The following PGAP4 variants were observed in gnomAD, a reference collection of about 807,000 sequenced individuals.
PGAP4 encodes the protein GPI-N-acetylgalactosamine transferase PGAP4.
A neutral mutation model predicts 28.2 loss-of-function variants in PGAP4; 12 were observed. The ratio of observed to expected loss-of-function variants is 0.42; its 90% CI spans 0.27 to 0.69. The LOEUF is 0.69. Among genes scored for constraint, PGAP4 ranks in the 30% least tolerant of loss-of-function variants. The pLI is 0.22. For missense variants in PGAP4, 425 were observed against 513.5 expected, an observed-to-expected ratio of 0.83 and a Z score of 1.67; for synonymous variants, 205 against 211.8, an observed-to-expected ratio of 0.97 and a Z score of 0.28.
At chr9:101,489,821 C>T (rs1463788926), upstream of PGAP4, among the ~76,000 whole-genome samples, 1 of 152,154 alleles carries the variant, frequency 6.6e-6, no homozygotes, top group African/African-American at 2.4e-5. Flanking sequence ...AACATCTTCT[C>T]TTGTACTTTG....
At chr9:101,503,048 A>T (rs1826816952) in intron 2 of PGAP4, among the ~76,000 whole-genome samples, 2 of 152,092 alleles carry the variant, frequency 1.3e-5, no homozygotes, top group African/African-American at 4.8e-5. Flanking sequence ...GATAGATTCT[A>T]GAGCAGTGTG....
At chr9:101,511,009 T>C (rs1489115318) in intron 2 of PGAP4, among the ~76,000 whole-genome samples, 3 of 152,192 alleles carry the variant, frequency 2.0e-5, no homozygotes, top group Non-Finnish European at 1.5e-5. Context: ...TCTGCTAATG[T>C]TAATCTGTAT....
intron 2 of PGAP4, among the ~76,000 whole-genome samples, chr9:101,517,867 TG>T: frequency 6.6e-6 from 1 of 152,302 alleles, no homozygotes; most frequent in South Asian, 2.1e-4. Flanking sequence ...CACTATTTTA[TG>T]TATTTATTTT....
chr9:101,514,504 G>A (rs2048686645), intron 2 of PGAP4, among the ~76,000 whole-genome samples: 1 of 143,172 alleles, frequency 7.0e-6, no homozygotes, highest in Non-Finnish European at 1.6e-5. Flanking sequence ...CATTTTGTAT[G>A]TTTGCATGTG....
chr9:101,512,340 C>T (rs540088351), intron 2 of PGAP4, among the ~76,000 whole-genome samples: 59 of 152,252 alleles, frequency 3.9e-4, no homozygotes, highest in African/African-American at 1.4e-3. Context: ...GGCCCAGTTA[C>T]CCTGAGCCAA....
chr9:101,525,201 A>G (rs990855407), intron 2 of PGAP4, among the ~76,000 whole-genome samples: 4 of 152,230 alleles, frequency 2.6e-5, no homozygotes, highest in Admixed American at 2.0e-4. Context: ...TGCTTTCTAA[A>G]GTAAGCCCTC....
chr9:101,531,241 G>C (rs75005652), intron 2 of PGAP4: 10,572 of 119,816 alleles, frequency 0.088, 404 homozygotes, highest in Middle Eastern at 0.13. Context: ...CACACACACA[G>C]AGTTGATTTT....
chr9:101,477,054 C>G lies in PGAP4; in HGVS notation c.39G>C (p.Arg13=). 1 of 1,606,600 alleles carries G rather than the reference C, an allele frequency of 6.2e-7. No individual in the cohort carries two copies. Among genetic ancestry groups the G allele is most frequent in the Non-Finnish European group, 8.5e-7 (1 of 1,177,046 alleles). The change falls in exon 2 of 2, where the codon CGG becomes CGC. Residue 13 remains arginine (R), a synonymous_variant. Transcript: ENST00000374848. ...TSTSPAAMLL[R]RLRRLSWGST... Reference sequence around the variant, plus strand: ...TGCCCCAGGAGAGTCGCCGCAGCCTCCGGAGGAGCATGGCAGCTGGAGAGG... The same window carrying G: ...TGCCCCAGGAGAGTCGCCGCAGCCTGCGGAGGAGCATGGCAGCTGGAGAGG...
chr9:101,493,386 G>A (rs181614121), intron 2 of PGAP4, among the ~76,000 whole-genome samples: 7 of 152,200 alleles, frequency 4.6e-5, no homozygotes, highest in Admixed American at 4.6e-4. Flanking sequence ...CAGGTGAGTA[G>A]TTTAGCAGTC....
At position 101,474,263 on chromosome 9, in the gene PGAP4, A is replaced by C. The variant is rs1157923871; in HGVS notation, c.*1618T>G. The C allele has an allele frequency of 6.6e-6, 1 of 152,146 alleles. No homozygotes were observed. Among genetic ancestry groups the C allele is most frequent in the Non-Finnish European group, 1.5e-5 (1 of 68,032 alleles). The allele number at this position is 152,146 out of a possible 1,614,324, so 9.4% of individuals were successfully genotyped here. A position where few individuals can be genotyped will look rare whatever the true frequency, so the allele number is the denominator to read the frequency against. On this transcript the variant is annotated 3_prime_UTR_variant, in exon 2 of 2. Coordinates refer to ENST00000374848, the MANE Select transcript of PGAP4 (RefSeq NM_032342.3). ...TGTAGAGCGTGGGTGATCAACCTTT[A>C]TGTAATCCTTCTGTGTTGAGTGGGT...
chr9:101,522,139 T>C (rs1414748990), intron 2 of PGAP4, among the ~76,000 whole-genome samples: 1 of 152,208 alleles, frequency 6.6e-6, no homozygotes, highest in Non-Finnish European at 1.5e-5. Flanking sequence ...TATCATATAG[T>C]CTGTCTTGGA....
At chr9:101,530,696 C>T (rs771444757) in intron 2 of PGAP4, among the ~76,000 whole-genome samples, 16 of 152,142 alleles carry the variant, frequency 1.1e-4, no homozygotes, top group Non-Finnish European at 1.2e-4. Flanking sequence ...TTTCCCAATT[C>T]GCTAGAGTGA....
chr9:101,530,625 A>G (rs749750954), intron 2 of PGAP4, among the ~76,000 whole-genome samples: 16 of 152,194 alleles, frequency 1.1e-4, no homozygotes, highest in Non-Finnish European at 2.2e-4. Context: ...CTGGTCAGAA[A>G]TGAATGGGGA....
chr9:101,489,005 G>C (rs531685845), upstream of PGAP4: 1 of 152,116 alleles, frequency 6.6e-6, no homozygotes, highest in African/African-American at 2.4e-5. Context: ...TAAATAGTAA[G>C]ATCAAACACT....
intron 2 of PGAP4, among the ~76,000 whole-genome samples, chr9:101,500,551 A>G (rs963776267): frequency 6.7e-6 from 1 of 150,020 alleles, no homozygotes; most frequent in African/African-American, 2.4e-5. Context: ...TTTACTATGT[A>G]TGGTAACATA....
intron 2 of PGAP4, among the ~76,000 whole-genome samples, chr9:101,510,800 C>G (rs60850343): frequency 1.3e-5 from 2 of 152,114 alleles, no homozygotes; most frequent in African/African-American, 4.8e-5. Context: ...GCGGGCCACA[C>G]GTGGACTAAA....
In PGAP4 at chr9:101,476,822, G is replaced by T; in HGVS notation, c.271C>A (p.Pro91Thr). 1 of 1,610,160 alleles carries T rather than the reference G, an allele frequency of 6.2e-7. No individual in the cohort carries two copies. Among genetic ancestry groups the T allele is most frequent in the Non-Finnish European group, 8.5e-7 (1 of 1,177,918 alleles). Residue 91 changes from proline to threonine, a missense_variant, in exon 2 of 2, where the codon CCC becomes ACC. Coordinates refer to ENST00000374848, the MANE Select transcript of PGAP4 (RefSeq NM_032342.3). This position sits in a 1 kb window ranked among gnomAD's most constrained non-coding sequence, Gnocchi z 7.0. ...EELPSANGSV[P>T]IVWQATPRPW... ...CGGGGGGTGGCCTGCCAGACAATGG[G>T]CACTGAGCCATTGGCAGAGGGAAGC... is the stretch of plus-strand genomic sequence containing the variant.
intron 1 of PGAP4, among the ~76,000 whole-genome samples, chr9:101,484,280 T>G (rs1216406949): frequency 5.0e-5 from 7 of 139,714 alleles, no homozygotes; most frequent in Non-Finnish European, 7.9e-5. Flanking sequence ...AAGGAGAGAG[T>G]GAGGAAGAGG....
intron 2 of PGAP4, among the ~76,000 whole-genome samples, chr9:101,504,841 G>A (rs1826836085): frequency 6.6e-6 from 1 of 152,014 alleles, no homozygotes; most frequent in African/African-American, 2.4e-5. Flanking sequence ...TTGGTCAAGG[G>A]AATCTCAGAG....
Sources: gnomAD v4.1 joint callset for allele counts (sites outside exome capture counted in the v4.1 genomes callset) on GRCh38, gnomAD v4.1.1 for gene constraint, Gnocchi (gnomAD v3.1) non-coding constraint, MANE v1.5 for transcripts, NCBI Gene and HGNC (gene_info 2026-07-23, HGNC 2026-07-21) for gene names.